Variants in THSD7B observed in about 807,000 individuals in gnomAD.
THSD7B encodes the protein thrombospondin type-1 domain-containing protein 7B.
A neutral mutation model predicts 213.6 loss-of-function variants in THSD7B; 138 were observed. The observed-to-expected ratio is 0.65, with a 90% CI of 0.56 to 0.74. The LOEUF (loss-of-function observed/expected upper bound fraction) is 0.74. THSD7B is among the 30% of genes least tolerant of loss of function. The pLI is 0.00. For missense variants in THSD7B, 1,931 were observed against 1,991.5 expected (o/e 0.97, Z 0.58); for synonymous variants, 742 against 687.0 (o/e 1.08, Z -1.25).
rs1445839617 is a variant in THSD7B at position 137,677,635 on chromosome 2, T to C, written c.*1030T>C. ...ACCATTTTATGAAGATAATTGTTTG[T>C]AATCATAGGTGTTGAAAGTAAAAAG... On this transcript the variant is annotated 3_prime_UTR_variant, in exon 28 of 28. Coordinates refer to ENST00000409968, the MANE Select transcript of THSD7B (RefSeq NM_001316349.2). 6.6e-6 allele frequency: 1 copy of C among 152,650 alleles called. No homozygotes were observed. Among genetic ancestry groups the C allele is most frequent in the Non-Finnish European group, 1.5e-5 (1 of 68,032 alleles). 9.5% of individuals were successfully genotyped at this position (152,650 alleles called of 1,614,324 possible).
intron 1 of THSD7B, among the ~76,000 whole-genome samples, chr2:136,812,894 A>G (rs1682404046): frequency 6.6e-6 from 1 of 152,200 alleles, no homozygotes; most frequent in Non-Finnish European, 1.5e-5. Flanking sequence ...TTGCTCTGAA[A>G]ATGCATTATT....
chr2:136,821,145 G>C (rs1468972325), intron 1 of THSD7B, among the ~76,000 whole-genome samples: 1 of 152,128 alleles, frequency 6.6e-6, no homozygotes, highest in Non-Finnish European at 1.5e-5. Flanking sequence ...AAAAAAGAAA[G>C]CGAATGTGGT....
At chr2:137,244,243 G>A (rs1656721851) in intron 10 of THSD7B, among the ~76,000 whole-genome samples, 1 of 152,288 alleles carries the variant, frequency 6.6e-6, no homozygotes, top group Non-Finnish European at 1.5e-5. Flanking sequence ...CTATGATGAT[G>A]GAGTTTTGTT....
chr2:136,947,334 A>G (rs1267015627), intron 2 of THSD7B, among the ~76,000 whole-genome samples: 1 of 152,210 alleles, frequency 6.6e-6, no homozygotes, highest in East Asian at 1.9e-4. Flanking sequence ...TTAATTATTA[A>G]GATTATTTTT....
intron 2 of THSD7B, among the ~76,000 whole-genome samples, chr2:136,895,592 CTATT>C (rs1683945182): frequency 1.6e-5 from 2 of 126,730 alleles, no homozygotes; most frequent in Admixed American, 1.9e-4. Flanking sequence ...GAAAGATTGG[CTATT>C]TATTTTAAGC....
chr2:136,877,371 A>C (rs2104987017), intron 1 of THSD7B, among the ~76,000 whole-genome samples: 1 of 152,256 alleles, frequency 6.6e-6, no homozygotes, highest in South Asian at 2.1e-4. Context: ...CTAGGCCAGA[A>C]GTTTTAGAAT....
At chr2:137,242,978 A>G (rs570185513) in intron 10 of THSD7B, among the ~76,000 whole-genome samples, 1 of 152,324 alleles carries the variant, frequency 6.6e-6, no homozygotes, top group African/African-American at 2.4e-5. Flanking sequence ...TGCTCACATC[A>G]CTGATTAATA....
chr2:137,516,334 C>T (rs570955285), intron 15 of THSD7B, among the ~76,000 whole-genome samples: 12 of 152,180 alleles, frequency 7.9e-5, no homozygotes, highest in South Asian at 4.1e-4. Flanking sequence ...CAGACTTGAA[C>T]CAGTTTACAT....
intron 1 of THSD7B, among the ~76,000 whole-genome samples, chr2:136,833,363 CAA>C (rs10639590): frequency 6.1e-4 from 34 of 55,478 alleles, no homozygotes; most frequent in African/African-American, 2.4e-3. Flanking sequence ...GACTCCGTCT[CAA>C]AAAAAAAAAA....
Position 137,523,922 on chromosome 2 carries a change from CAT to C in THSD7B, c.3139-39298_3139-39297del, listed in dbSNP as rs969991608. Reference sequence around the variant, plus strand: ...ATTCTGAACAAATAGGTCCTCAACACATGACTTTTAGTTAAAAATACAGTGAG... The same window carrying C: ...ATTCTGAACAAATAGGTCCTCAACACGACTTTTAGTTAAAAATACAGTGAG... On this transcript the variant is annotated intron_variant, in intron 15 of 27. Transcript: ENST00000409968. Among the ~76,000 whole-genome samples, 119 of 152,246 alleles carry C rather than the reference CAT, an allele frequency of 7.8e-4. 1 individual carries two copies. The highest frequency in any genetic ancestry group is 2.7e-3 in the African/African-American group (111 of 41,536).
chr2:136,952,081 C>T (rs910633570), intron 2 of THSD7B, among the ~76,000 whole-genome samples: 3 of 152,066 alleles, frequency 2.0e-5, no homozygotes, highest in African/African-American at 7.2e-5. Flanking sequence ...TATTGGCCAG[C>T]TGGTCTCGAA....
chr2:137,086,641 T>A (rs1687847730), intron 3 of THSD7B, among the ~76,000 whole-genome samples: 1 of 152,184 alleles, frequency 6.6e-6, no homozygotes, highest in South Asian at 2.1e-4. Context: ...GGTGTGGACA[T>A]TTTTGGAGGG....
At chr2:136,945,270 G>T (rs1684916490) in intron 2 of THSD7B, among the ~76,000 whole-genome samples, 1 of 152,096 alleles carries the variant, frequency 6.6e-6, no homozygotes, top group Admixed American at 6.5e-5. Flanking sequence ...GATGGAATTG[G>T]CTATTGAAGC....
intron 5 of THSD7B, among the ~76,000 whole-genome samples, chr2:137,127,611 G>A (rs1398900439): frequency 3.3e-5 from 5 of 152,096 alleles, no homozygotes; most frequent in African/African-American, 1.2e-4. Context: ...ATAATAGAAT[G>A]TGTTTATTCT....
intron 2 of THSD7B, among the ~76,000 whole-genome samples, chr2:136,987,268 A>G (rs526869): frequency 0.49 from 73,872 of 152,054 alleles, 19,299 homozygotes; most frequent in Non-Finnish European, 0.59. Context: ...CTCCTACCCA[A>G]TGAAATACTG....
At chr2:137,293,024 A>AT (rs1046062532) in intron 12 of THSD7B, among the ~76,000 whole-genome samples, 1 of 152,110 alleles carries the variant, frequency 6.6e-6, no homozygotes, top group African/African-American at 2.4e-5. Flanking sequence ...TTTCCCAGCC[A>AT]TTGCTTAAGG....
rs145421175 is a variant in THSD7B, at chr2:136,901,655, A to T, written c.139+19338A>T. Reference sequence around the variant, plus strand: ...TAAGTTCTTTTGATATTTTGAAGACATTTCAGTTAGAATGAACTTTGACAA... The same window carrying T: ...TAAGTTCTTTTGATATTTTGAAGACTTTTCAGTTAGAATGAACTTTGACAA... On this transcript the variant is annotated intron_variant, in intron 2 of 27. Transcript: ENST00000409968. Among the ~76,000 whole-genome samples, 439 of 152,338 alleles carry T rather than the reference A, an allele frequency of 2.9e-3. 3 individuals carry two copies. The highest frequency in any genetic ancestry group is 8.9e-3 in the African/African-American group (369 of 41,586).
At chr2:137,605,495 G>T (rs1015960434) in intron 17 of THSD7B, among the ~76,000 whole-genome samples, 3 of 151,912 alleles carry the variant, frequency 2.0e-5, no homozygotes, top group Admixed American at 6.6e-5. Flanking sequence ...AGGTATTATG[G>T]TAGACATCAG....
chr2:137,301,816 A>G (rs1474104903), intron 12 of THSD7B, among the ~76,000 whole-genome samples: 1 of 152,056 alleles, frequency 6.6e-6, no homozygotes, highest in Admixed American at 6.6e-5. Context: ...CAGTGAGACA[A>G]GAGGCCAAAA....
Sources: allele counts gnomAD v4.1 joint callset (sites outside exome capture counted in the v4.1 genomes callset), GRCh38; gene constraint gnomAD v4.1.1; transcripts MANE v1.5; gene names NCBI Gene and HGNC (gene_info 2026-07-23, HGNC 2026-07-21).